The following ZNF700 variants were observed in gnomAD, a reference collection of about 807,000 sequenced individuals.
The protein encoded by ZNF700 is zinc finger protein 700.
Under a neutral mutation model 65.3 loss-of-function variants are expected in ZNF700, and 38 were observed. That is an observed-to-expected ratio of 0.58 (90% CI 0.45 to 0.76). The LOEUF (loss-of-function observed/expected upper bound fraction) is 0.76. Among genes scored for constraint, ZNF700 ranks in the 30% least tolerant of loss-of-function variants. The pLI, the probability that ZNF700 is intolerant of heterozygous loss-of-function variation, is 0.00. For synonymous variants in ZNF700, 285 were observed against 290.4 expected, an observed-to-expected ratio of 0.98 and a Z score of 0.19; for missense variants, 857 against 888.4, an observed-to-expected ratio of 0.96 and a Z score of 0.45.
intron 1 of ZNF700, among the ~76,000 whole-genome samples, chr19:11,943,512 T>G (rs916082509): frequency 2.0e-5 from 3 of 152,206 alleles, no homozygotes. Context: ...TAGCTATTTT[T>G]TTTACTTCTA....
chr19:11,950,447 G>T lies in ZNF700; in HGVS notation c.*194G>T. ...TTTACTTCTTTTCAATGTCATGAAA[G>T]GACTCACACGGGAGAGAAACCCTAT... On this transcript the variant is annotated 3_prime_UTR_variant, in exon 4 of 4. Transcript: ENST00000254321. 1 of 720,508 alleles carries T rather than the reference G, an allele frequency of 1.4e-6. No individual in the cohort carries two copies. Among genetic ancestry groups the T allele is most frequent in the Admixed American group, 2.3e-5 (1 of 43,902 alleles). 44.6% of individuals were successfully genotyped at this position (720,508 alleles called of 1,614,324 possible).
chr19:11,939,263 G>T (rs1972843170), intron 1 of ZNF700, among the ~76,000 whole-genome samples: 1 of 152,174 alleles, frequency 6.6e-6, no homozygotes, highest in Admixed American at 6.5e-5. Flanking sequence ...GGCTTTTGTT[G>T]CCATTGCTTT....
chr19:11,940,526 G>A (rs141206527), intron 1 of ZNF700, among the ~76,000 whole-genome samples: 2,977 of 152,050 alleles, frequency 0.02, 74 homozygotes, highest in African/African-American at 0.059. Context: ...TGGTGGGCTC[G>A]TGATCTCGCT....
chr19:11,948,472 G>A lies in ZNF700; in HGVS notation c.448G>A (p.Gly150Arg). 1 of 1,614,004 alleles carries A rather than the reference G, an allele frequency of 6.2e-7. No homozygotes were observed. Among genetic ancestry groups the A allele is most frequent in the Non-Finnish European group, 8.5e-7 (1 of 1,179,992 alleles). Residue 150 changes from glycine to arginine, a missense_variant, in exon 4 of 4, where the codon GGA (glycine) becomes AGA (arginine). Physicochemically the swap from Gly to Arg is moderately radical, Grantham distance 125 (BLOSUM62 -2). Coordinates refer to ENST00000254321, the MANE Select transcript of ZNF700 (RefSeq NM_144566.3). ...TAATATGAGCATCAGAGGTGACACT[G>A]GACACAAGGCATATGAGTATCAGGA... ...SFNMSIRGDT[G>R]HKAYEYQEYG...
In ZNF700 at chr19:11,950,609, A is replaced by G. The variant is rs779770063; in HGVS notation, c.*356A>G. On this transcript the variant is annotated 3_prime_UTR_variant, in exon 4 of 4. Transcript: ENST00000254321. ...ATGGAAGGGTTCACACTTGGGAGAA[A>G]CTCTATGAATGTAAGCAGTATGGGA... 6.8e-4 allele frequency: 305 copies of G among 445,636 alleles called. 1 individual carries two copies. The highest frequency in any genetic ancestry group is 1.2e-3 in the Non-Finnish European group (273 of 231,164). The allele number at this position is 445,636 out of a possible 1,614,324, so 27.6% of individuals were successfully genotyped here.
At chr19:11,945,133 G>A (rs1311618874) in intron 1 of ZNF700, among the ~76,000 whole-genome samples, 1 of 152,202 alleles carries the variant, frequency 6.6e-6, no homozygotes, top group African/African-American at 2.4e-5. Flanking sequence ...TGTTAGATTA[G>A]GTAGCCCCAG....
chr19:11,943,701 C>T (rs279256), intron 1 of ZNF700, among the ~76,000 whole-genome samples: 1 of 151,950 alleles, frequency 6.6e-6, no homozygotes, highest in Non-Finnish European at 1.5e-5. Context: ...ACTAGAAAAC[C>T]GAAAGATTGT....
chr19:11,925,941 A>G (rs1306892297), intron 1 of ZNF700, among the ~76,000 whole-genome samples: 2 of 152,326 alleles, frequency 1.3e-5, no homozygotes, highest in Non-Finnish European at 2.9e-5. Context: ...ATGATGAATC[A>G]GTGCCTGAAA....
Position 11,949,763 on chromosome 19 carries a change from G to T in ZNF700, c.1739G>T (p.Arg580Leu), listed in dbSNP as rs750061022. 1 of 1,602,250 alleles carries T rather than the reference G, an allele frequency of 6.2e-7. No homozygotes were observed. Among genetic ancestry groups the T allele is most frequent in the Admixed American group, 1.7e-5 (1 of 58,570 alleles). Residue 580 changes from arginine (R) to leucine (L), a missense_variant, in exon 4 of 4, where the codon CGA becomes CTA. Transcript: ENST00000254321. ...GKAFRSASHL[R>L]MHERTHTGEK... is the part of the protein sequence containing the mutation. Reference sequence around the variant, plus strand: ...GCCTTCAGATCTGCCTCACACCTTCGAATGCATGAAAGGACTCACACTGGA... The same window carrying T: ...GCCTTCAGATCTGCCTCACACCTTCTAATGCATGAAAGGACTCACACTGGA...
In ZNF700 at chr19:11,950,667, CAGAT is replaced by C. The variant is rs1315143601; in HGVS notation, c.*416_*419del. On this transcript the variant is annotated 3_prime_UTR_variant, in exon 4 of 4. Coordinates refer to ENST00000254321, the MANE Select transcript of ZNF700 (RefSeq NM_144566.3). ...CAGATCTGCCAAGATTCTTTGAATACAGATAATTAATGTAAACAATTATCATAAG... is the reference window on the plus strand; with the variant it reads ...CAGATCTGCCAAGATTCTTTGAATACAATTAATGTAAACAATTATCATAAG... 1.0e-5 allele frequency: 3 copies of C among 293,742 alleles called. No homozygotes were observed. Among genetic ancestry groups the C allele is most frequent in the Admixed American group, 8.9e-5 (2 of 22,508 alleles). 18.2% of individuals were successfully genotyped at this position (293,742 alleles called of 1,614,324 possible). A position where few individuals can be genotyped will look rare whatever the true frequency, so the allele number is the denominator to read the frequency against.
intron 1 of ZNF700, among the ~76,000 whole-genome samples, chr19:11,938,309 T>C (rs1972828639): frequency 6.6e-6 from 1 of 152,172 alleles, no homozygotes; most frequent in African/African-American, 2.4e-5. Context: ...CATGTATACA[T>C]GTGACATGTT....
At chr19:11,931,811 A>G (rs1274015814) in intron 1 of ZNF700, among the ~76,000 whole-genome samples, 1 of 148,270 alleles carries the variant, frequency 6.7e-6, no homozygotes, top group Non-Finnish European at 1.5e-5. Flanking sequence ...TTGGACTTCA[A>G]GAAAATTAGT....
intron 1 of ZNF700, among the ~76,000 whole-genome samples, chr19:11,934,032 CT>C (rs1231996784): frequency 6.8e-6 from 1 of 147,290 alleles, no homozygotes; most frequent in African/African-American, 2.7e-5. Flanking sequence ...ACCATAGTTT[CT>C]TTATTCACCT....
chr19:11,942,953 C>G (rs1045771834), intron 1 of ZNF700, among the ~76,000 whole-genome samples: 1 of 152,190 alleles, frequency 6.6e-6, no homozygotes, highest in African/African-American at 2.4e-5. Flanking sequence ...TTCTCACTTT[C>G]ATCCTTACTA....
rs1972998009 is a variant in ZNF700 at position 11,948,493 on chromosome 19, C to G, written c.469C>G (p.Gln157Glu). The change falls in exon 4 of 4, where the codon CAG (glutamine) becomes GAG (glutamate). Residue 157 changes from glutamine to glutamate, a missense_variant. Physicochemically the swap from Gln to Glu is conservative, Grantham distance 29. Transcript: ENST00000254321. ...CACTGGACACAAGGCATATGAGTAT[C>G]AGGAATATGGACCAAAGCCATATAA... Reference protein sequence around the residue: ...GDTGHKAYEYQEYGPKPYKCQ... With the variant: ...GDTGHKAYEYEEYGPKPYKCQ... 14 of 1,613,962 alleles carry G rather than the reference C, an allele frequency of 8.7e-6. No individual in the cohort carries two copies. Among genetic ancestry groups the G allele is most frequent in the African/African-American group, 1.3e-5 (1 of 75,012 alleles).
intron 1 of ZNF700, among the ~76,000 whole-genome samples, chr19:11,931,358 G>T (rs1972711184): frequency 6.8e-6 from 1 of 147,930 alleles, no homozygotes; most frequent in Non-Finnish European, 1.5e-5. Context: ...GCTCTCCTGT[G>T]TCTTCTTATA....
Position 11,948,936 on chromosome 19 carries a change from G to A in ZNF700, c.912G>A (p.Lys304=), listed in dbSNP as rs1284001597. Reference sequence around the variant, plus strand: ...ATGAAAGAAGTCACATGGGAGAGAAGCCTTATCAATGCAAAGAATGTGGAA... The same window carrying A: ...ATGAAAGAAGTCACATGGGAGAGAAACCTTATCAATGCAAAGAATGTGGAA... ...HRHERSHMGE[K]PYQCKECGKA... The change falls in exon 4 of 4, where the codon AAG becomes AAA. Residue 304 remains lysine (K), a synonymous_variant. Transcript: ENST00000254321. 1.9e-6 allele frequency: 3 copies of A among 1,608,256 alleles called. No homozygotes were observed. Among genetic ancestry groups the A allele is most frequent in the Non-Finnish European group, 1.7e-6 (2 of 1,178,806 alleles).
chr19:11,948,632 T>C lies in ZNF700; in HGVS notation c.608T>C (p.Phe203Ser). Residue 203 changes from phenylalanine to serine, a missense_variant, in exon 4 of 4, where the codon TTT (phenylalanine) becomes TCT (serine). Around this residue, in one of 3 missense-constraint regions of ZNF700, gnomAD observed 603 missense variants for 619.9 expected, o/e 0.97. Coordinates refer to ENST00000254321, the MANE Select transcript of ZNF700 (RefSeq NM_144566.3). ...PYACKVCGKT[F>S]IFHSSIRRHM... ...GCTTGTAAAGTCTGTGGAAAAACCT[T>C]TATTTTCCATTCAAGCATTCGAAGA... 6.2e-7 allele frequency: 1 copy of C among 1,611,518 alleles called. No homozygotes were observed. The highest frequency in any genetic ancestry group is 8.5e-7 in the Non-Finnish European group (1 of 1,179,490).
intron 1 of ZNF700, among the ~76,000 whole-genome samples, chr19:11,935,755 G>A (rs1372645613): frequency 1.1e-4 from 17 of 152,102 alleles, no homozygotes; most frequent in Non-Finnish European, 1.5e-5. Context: ...TGTGCACAAC[G>A]TGCAGGTTTG....
Sources: gnomAD v4.1 joint callset for allele counts (sites outside exome capture counted in the v4.1 genomes callset) on GRCh38, gnomAD v4.1.1 for gene constraint, gnomAD v4.1.1 regional missense constraint, MANE v1.5 for transcripts, NCBI Gene and HGNC (gene_info 2026-07-23, HGNC 2026-07-21) for gene names.